PLA2G4A: variants seen among roughly 807,000 people sequenced by gnomAD.
PLA2G4A encodes phospholipase A2 group IVA, also known as cytosolic phospholipase A2.
A neutral mutation model predicts 81.9 loss-of-function variants in PLA2G4A; 40 were observed. That is an observed-to-expected ratio of 0.49 (90% CI 0.38 to 0.64). The LOEUF (loss-of-function observed/expected upper bound fraction) is 0.64, where lower values mean the gene tolerates loss of function less well. Ranked by LOEUF, PLA2G4A falls within the 30% of genes least tolerant of loss-of-function variation. The pLI is 0.00. For synonymous variants in PLA2G4A, 302 were observed against 296.9 expected (o/e 1.02, Z -0.18); for missense variants, 715 against 905.1 (o/e 0.79, Z 2.69).
intron 15 of PLA2G4A, among the ~76,000 whole-genome samples, chr1:186,976,478 T>A (rs1002458190): frequency 3.3e-5 from 5 of 152,234 alleles, no homozygotes; most frequent in African/African-American, 9.6e-5. Context: ...TTTTAAGCAC[T>A]GTAAAGTATT....
chr1:186,904,345 C>A (rs1389282436), intron 5 of PLA2G4A, among the ~76,000 whole-genome samples: 1 of 152,184 alleles, frequency 6.6e-6, no homozygotes, highest in African/African-American at 2.4e-5. Context: ...ATAATACAAG[C>A]AGCATGGAAG....
intron 3 of PLA2G4A, 121 bp from the exon 4 acceptor site, chr1:186,892,890 A>T (rs1276769495): frequency 1.3e-6 from 1 of 748,038 alleles, no homozygotes; most frequent in African/African-American, 1.8e-5. Context: ...ATCTTGTCTC[A>T]GACATTTAAA....
intron 6 of PLA2G4A, among the ~76,000 whole-genome samples, chr1:186,907,704 T>G (rs1262205777): frequency 6.6e-6 from 1 of 152,216 alleles, no homozygotes; most frequent in Admixed American, 6.5e-5. Flanking sequence ...AATTGAACAT[T>G]TTCACATCTG....
intron 5 of PLA2G4A, among the ~76,000 whole-genome samples, chr1:186,906,764 A>AC (rs1654752135): frequency 1.3e-5 from 2 of 152,236 alleles, no homozygotes; most frequent in African/African-American, 4.8e-5. Context: ...AAGTAGACTT[A>AC]CAAAAAAAAT....
At chr1:186,926,594 T>C (rs1423148128) in intron 7 of PLA2G4A, among the ~76,000 whole-genome samples, 1 of 152,238 alleles carries the variant, frequency 6.6e-6, no homozygotes, top group Non-Finnish European at 1.5e-5. Context: ...CCTTAATGTA[T>C]GGAAGAGTGG....
intron 7 of PLA2G4A, among the ~76,000 whole-genome samples, chr1:186,928,731 T>A (rs1655637603): frequency 6.6e-6 from 1 of 152,230 alleles, no homozygotes; most frequent in Admixed American, 6.5e-5. Flanking sequence ...ACTTCAGAAT[T>A]TTCTTTTGAA....
intron 1 of PLA2G4A, among the ~76,000 whole-genome samples, chr1:186,834,563 T>TCA (rs1651712236): frequency 1.3e-5 from 2 of 152,166 alleles, no homozygotes; most frequent in Admixed American, 6.5e-5. Flanking sequence ...CTGGTGCGTG[T>TCA]TTCCATAATA....
intron 7 of PLA2G4A, among the ~76,000 whole-genome samples, chr1:186,928,644 AC>A (rs1322496566): frequency 6.6e-6 from 1 of 151,826 alleles, no homozygotes; most frequent in African/African-American, 2.4e-5. Context: ...TCTTTGAAAA[AC>A]CCTGACTAAT....
intron 1 of PLA2G4A, among the ~76,000 whole-genome samples, chr1:186,844,434 C>T (rs1017265040): frequency 3.3e-5 from 5 of 152,130 alleles, no homozygotes; most frequent in African/African-American, 7.2e-5. Flanking sequence ...GCTCTCTTTG[C>T]TTTTAGAATA....
At chr1:186,921,550 C>A (rs1347514236) in intron 7 of PLA2G4A, among the ~76,000 whole-genome samples, 7 of 152,134 alleles carry the variant, frequency 4.6e-5, no homozygotes. Context: ...AGTCTTGGGC[C>A]ATAAGCAAGC....
At chr1:186,947,027 T>G (rs192984445) in intron 12 of PLA2G4A, 66 bp downstream of exon 12, 26 of 859,380 alleles carry the variant, frequency 3.0e-5, no homozygotes, top group African/African-American at 1.2e-4. Flanking sequence ...TTGACATATA[T>G]AGAGAGAATA....
At chr1:186,897,479 C>A (rs1420552679) in intron 5 of PLA2G4A, among the ~76,000 whole-genome samples, 1 of 151,906 alleles carries the variant, frequency 6.6e-6, no homozygotes, top group East Asian at 1.9e-4. Flanking sequence ...AAGAATACTT[C>A]TCTTCTTTTA....
At chr1:186,938,916 C>T (rs1656047052) in intron 8 of PLA2G4A, 92 bp from the exon 9 acceptor site, 5 of 762,240 alleles carry the variant, frequency 6.6e-6, no homozygotes, top group Non-Finnish European at 1.2e-5. Flanking sequence ...AATATGTCCA[C>T]CATGCTTTAT....
chr1:186,967,305 T>C (rs537883845), intron 15 of PLA2G4A, among the ~76,000 whole-genome samples: 2 of 149,108 alleles, frequency 1.3e-5, no homozygotes, highest in East Asian at 3.8e-4. Flanking sequence ...GATAAAATCT[T>C]ATCAACAAAT....
At chr1:186,951,718 G>A (rs562427736) in intron 13 of PLA2G4A, among the ~76,000 whole-genome samples, 1 of 152,230 alleles carries the variant, frequency 6.6e-6, no homozygotes, top group African/African-American at 2.4e-5. Flanking sequence ...ATGTGTTTGT[G>A]TAAATTAAAG....
intron 5 of PLA2G4A, among the ~76,000 whole-genome samples, chr1:186,902,076 G>T (rs934944412): frequency 6.6e-6 from 1 of 152,082 alleles, no homozygotes; most frequent in Non-Finnish European, 1.5e-5. Context: ...AGGCTATATG[G>T]TGTAGCCTAT....
intron 7 of PLA2G4A, among the ~76,000 whole-genome samples, chr1:186,929,046 C>T (rs982064226): frequency 6.6e-6 from 1 of 152,144 alleles, no homozygotes; most frequent in South Asian, 2.1e-4. Flanking sequence ...CAAACTTAGT[C>T]TTTGTTTATT....
In PLA2G4A at chr1:186,863,176, C is replaced by A. The variant is rs187293626; in HGVS notation, c.34-7259C>A. On this transcript the variant is annotated intron_variant, in intron 2 of 17. Coordinates refer to ENST00000367466, the MANE Select transcript of PLA2G4A (RefSeq NM_024420.3). ...CCTCGAACTCCTGGGCTCAAGCGAT[C>A]CTTCTGTCTGAGCCTCTCAGGTAGC... is the stretch of plus-strand genomic sequence containing the variant. Among the ~76,000 whole-genome samples, 365 of 152,232 alleles carry A rather than the reference C, an allele frequency of 2.4e-3. 1 individual carries two copies. Among genetic ancestry groups the A allele is most frequent in the African/African-American group, 8.3e-3 (347 of 41,558 alleles).
intron 1 of PLA2G4A, among the ~76,000 whole-genome samples, chr1:186,847,831 G>A (rs541894976): frequency 1.3e-5 from 2 of 152,092 alleles, no homozygotes; most frequent in South Asian, 2.1e-4. Context: ...CACTGAGAAC[G>A]CTCATCAGAG....
Sources: allele counts gnomAD v4.1 joint callset (sites outside exome capture counted in the v4.1 genomes callset), GRCh38; gene constraint gnomAD v4.1.1; transcripts MANE v1.5; gene names NCBI Gene and HGNC (gene_info 2026-07-23, HGNC 2026-07-21).